Variants in DISP3 observed in about 807,000 individuals in gnomAD.
DISP3 encodes the protein protein dispatched homolog 3.
DISP3 carries 101 observed loss-of-function variants against 135.3 expected under a neutral mutation model. The observed-to-expected ratio is 0.75, with a 90% confidence interval of 0.64 to 0.88. The LOEUF (loss-of-function observed/expected upper bound fraction) is 0.88. Ranked by LOEUF, DISP3 falls within the 40% of genes least tolerant of loss-of-function variation. The pLI is 0.00. For missense variants in DISP3, 1,713 were observed against 1,878.6 expected (o/e 0.91, Z 1.63); for synonymous variants, 856 against 817.0 (o/e 1.05, Z -0.81).
rs1199977211 is a variant in DISP3 at position 11,531,167 on chromosome 1, G to A, written c.3229+134G>A. The A allele has an allele frequency of 2.0e-5, 28 of 1,405,814 alleles. No individual in the cohort carries two copies. The highest frequency in any genetic ancestry group is 2.7e-5 in the Non-Finnish European group (28 of 1,037,174). The allele number at this position is 1,405,814 out of a possible 1,614,324, so 87.1% of individuals were successfully genotyped here. A position where few individuals can be genotyped will look rare whatever the true frequency, so the allele number is the denominator to read the frequency against. On this transcript the variant is annotated intron_variant, in intron 16 of 20. Coordinates refer to ENST00000294484, the MANE Select transcript of DISP3 (RefSeq NM_020780.2). The surrounding 1 kb of genome is among the most constrained non-coding windows in gnomAD (Gnocchi z 5.2). The stretch of plus-strand genomic sequence containing the variant: ...GGGGGTCTTTTGCAGATGTGTATCT[G>A]TGCTGAGCATGTCCACACCAGGGTG...
chr1:11,529,976 G>C lies in DISP3; in HGVS notation c.3102+17G>C. The C allele has an allele frequency of 6.2e-7, 1 of 1,607,360 alleles. No homozygotes were observed. On this transcript the variant is annotated intron_variant, in intron 15 of 20. Coordinates refer to ENST00000294484, the MANE Select transcript of DISP3 (RefSeq NM_020780.2). This position sits in a 1 kb window ranked among gnomAD's most constrained non-coding sequence, Gnocchi z 4.7. ...GGAGACCCGGTACGGGGCATGCGTC[G>C]GGCAGATGCCGAGGGCCCCAGCTGC...
Position 11,517,590 on chromosome 1 carries a change from C to T in DISP3, c.1877C>T (p.Ser626Phe). 6.2e-7 allele frequency: 1 copy of T among 1,613,816 alleles called. No individual in the cohort carries two copies. The highest frequency in any genetic ancestry group is 8.5e-7 in the Non-Finnish European group (1 of 1,180,030). Residue 626 changes from serine (S) to phenylalanine (F), a missense_variant, in exon 7 of 21, where the codon TCC becomes TTC. Around this residue, in one of 2 missense-constraint regions of DISP3, gnomAD observed 1,142 missense variants for 1,384.6 expected, o/e 0.82. Coordinates refer to ENST00000294484, the MANE Select transcript of DISP3 (RefSeq NM_020780.2). ...WSLYLAPLES[S>F]CQTSCHQNCS... Reference sequence around the variant, plus strand: ...CTCTACCTGGCACCACTGGAGAGCTCCTGCCAGACCAGGTAAGTCGGGCAG... The same window carrying T: ...CTCTACCTGGCACCACTGGAGAGCTTCTGCCAGACCAGGTAAGTCGGGCAG...
intron 1 of DISP3, among the ~76,000 whole-genome samples, chr1:11,480,356 CAT>C (rs1344779747): frequency 3.3e-5 from 5 of 152,274 alleles, no homozygotes; most frequent in East Asian, 1.9e-4. Flanking sequence ...TGCGCACACA[CAT>C]ATCTACAGAC....
chr1:11,527,214 C>T (rs1348198576), intron 13 of DISP3, among the ~76,000 whole-genome samples: 5 of 152,072 alleles, frequency 3.3e-5, no homozygotes, highest in East Asian at 1.9e-4. Context: ...GGATTACAGG[C>T]GTGAGCCACT....
At chr1:11,487,822 A>C (rs1278885525) in intron 1 of DISP3, among the ~76,000 whole-genome samples, 1 of 152,152 alleles carries the variant, frequency 6.6e-6, no homozygotes, top group Non-Finnish European at 1.5e-5. Flanking sequence ...GGAACCCAGG[A>C]GGCTGAAAGC....
chr1:11,525,321 G>A lies in DISP3; in HGVS notation c.2613+9G>A. On this transcript the variant is annotated intron_variant, in intron 12 of 20. Transcript: ENST00000294484. ...AGGTGCCCTCCTTCCAGGTGAGCCT[G>A]GGCTGTCGTGAAGTGAGCCGCCACC... 2 of 1,611,140 alleles carry A rather than the reference G, an allele frequency of 1.2e-6. No homozygotes were observed. Among genetic ancestry groups the A allele is most frequent in the Non-Finnish European group, 1.7e-6 (2 of 1,178,040 alleles).
intron 3 of DISP3, among the ~76,000 whole-genome samples, chr1:11,511,490 T>C (rs1472597307): frequency 3.3e-5 from 5 of 152,226 alleles, no homozygotes; most frequent in African/African-American, 1.2e-4. Flanking sequence ...ATCATCTCCA[T>C]TGACTCCAGG....
chr1:11,502,557 G>T, intron 2 of DISP3, 121 bp from the exon 3 acceptor site: 2 of 766,928 alleles, frequency 2.6e-6, no homozygotes, highest in African/African-American at 1.8e-5. Context: ...GTGGAGTTTT[G>T]GTGGATATGG....
Position 11,530,942 on chromosome 1 carries a change from C to T in DISP3, c.3138C>T (p.Phe1046=). ...SVVYDSSFDL[F]KEIGHLCHLC... is the part of the protein sequence containing the mutation. ...TCTACGACAGCAGCTTTGACCTCTT[C>T]AAGGAAATTGGGCACCTGTGTCACC... The change falls in exon 16 of 21, where the codon TTC becomes TTT. Residue 1046 remains phenylalanine, a synonymous_variant. Coordinates refer to ENST00000294484, the MANE Select transcript of DISP3 (RefSeq NM_020780.2). The T allele has an allele frequency of 6.2e-7, 1 of 1,614,020 alleles. No homozygotes were observed. The highest frequency in any genetic ancestry group is 1.1e-5 in the South Asian group (1 of 91,078).
intron 10 of DISP3, among the ~76,000 whole-genome samples, chr1:11,522,794 G>A (rs1183192970): frequency 7.6e-3 from 328 of 43,224 alleles, no homozygotes; most frequent in South Asian, 0.017. Context: ...CCCAGCCAGA[G>A]CCCAGCCAGG....
intron 19 of DISP3, 28 bp downstream of exon 19, chr1:11,535,152 C>T (rs1642673209): frequency 3.2e-6 from 5 of 1,563,268 alleles, no homozygotes; most frequent in African/African-American, 1.3e-5. Flanking sequence ...TGGCAGGCAC[C>T]CTGCTGGTAG....
chr1:11,481,072 T>TAC (rs374687395), intron 1 of DISP3, among the ~76,000 whole-genome samples: 1,725 of 87,780 alleles, frequency 0.02, 27 homozygotes, highest in African/African-American at 0.081. Flanking sequence ...CTCACACACA[T>TAC]ACACACACAC....
At chr1:11,485,221 G>A (rs12030427) in intron 1 of DISP3, among the ~76,000 whole-genome samples, 34,796 of 151,988 alleles carry the variant, frequency 0.23, 4,841 homozygotes, top group Admixed American at 0.37. Context: ...GGGCTGAGAC[G>A]GCATGATCCA....
intron 1 of DISP3, among the ~76,000 whole-genome samples, chr1:11,495,211 G>A (rs1391383239): frequency 6.6e-6 from 1 of 152,138 alleles, no homozygotes; most frequent in Admixed American, 6.5e-5. Flanking sequence ...CCAACATGGT[G>A]AAACCCTATC....
chr1:11,522,584 GACCCAGCCA>G (rs1642236337), intron 10 of DISP3, among the ~76,000 whole-genome samples: 1 of 106,724 alleles, frequency 9.4e-6, no homozygotes, highest in South Asian at 3.1e-4. Context: ...ACCCAGCCAA[GACCCAGCCA>G]GGACCCAGCC....
At position 11,501,949 on chromosome 1, in the gene DISP3, C is replaced by G. The variant is rs768056698; in HGVS notation, c.957C>G (p.His319Gln). The G allele has an allele frequency of 6.2e-7, 1 of 1,613,834 alleles. No individual in the cohort carries two copies. Among genetic ancestry groups the G allele is most frequent in the Non-Finnish European group, 8.5e-7 (1 of 1,179,952 alleles). Residue 319 changes from histidine (H) to glutamine (Q), a missense_variant, in exon 2 of 21, where the codon CAC becomes CAG. This residue lies in a region of DISP3 where 571 missense variants were observed against 494.1 expected (regional missense o/e 1.16). Coordinates refer to ENST00000294484, the MANE Select transcript of DISP3 (RefSeq NM_020780.2). This position sits in a 1 kb window ranked among gnomAD's most constrained non-coding sequence, Gnocchi z 4.9. ...TCCGGGAGTTCTGCTGGAAGCCCCACGAGGTGCTCAAGGATCTGCCGCTGG... is the reference window on the plus strand; with the variant it reads ...TCCGGGAGTTCTGCTGGAAGCCCCAGGAGGTGCTCAAGGATCTGCCGCTGG... ...PGFREFCWKP[H>Q]EVLKDLPLGS...
In DISP3 at chr1:11,501,228, T is replaced by C; in HGVS notation, c.236T>C (p.Phe79Ser). ...CCGTGCTGTGCTGGGCTGGTGCTCT[T>C]CCTGGGCTGCAGCATCCCCATGGCC... Reference protein sequence around the residue: ...TNPCCAGLVLFLGCSIPMALS... With the variant: ...TNPCCAGLVLSLGCSIPMALS... Residue 79 changes from phenylalanine to serine, a missense_variant, in exon 2 of 21, where the codon TTC becomes TCC. Phe to Ser is a radical substitution (Grantham distance 155). This residue lies in a region of DISP3 where 571 missense variants were observed against 494.1 expected (regional missense o/e 1.16). Transcript: ENST00000294484. The surrounding 1 kb of genome is among the most constrained non-coding windows in gnomAD (Gnocchi z 4.9). The C allele has an allele frequency of 1.2e-6, 2 of 1,614,172 alleles. No homozygotes were observed. The highest frequency in any genetic ancestry group is 2.7e-5 in the African/African-American group (2 of 75,056).
chr1:11,515,604 ACACAG>A, intron 5 of DISP3, 101 bp downstream of exon 5: 1 of 1,470,314 alleles, frequency 6.8e-7, no homozygotes, highest in Non-Finnish European at 9.1e-7. Context: ...TGGGGGCTCT[ACACAG>A]CGCCTGCTGA....
chr1:11,501,573 A>G lies in DISP3; in HGVS notation c.581A>G (p.Lys194Arg), dbSNP rs746945195. 1.7e-5 allele frequency: 27 copies of G among 1,588,564 alleles called. No individual in the cohort carries two copies. The African/African-American group carries it at 3.5e-4, about 21-fold the overall frequency. Reference sequence around the variant, plus strand: ...TACCGGGACACTTCCGCGGCTCAAAAGCCCACAGCCAATCGGAGCGGGCGA... The same window carrying G: ...TACCGGGACACTTCCGCGGCTCAAAGGCCCACAGCCAATCGGAGCGGGCGA... Reference protein sequence around the residue: ...GPYRDTSAAQKPTANRSGRLR... With the variant: ...GPYRDTSAAQRPTANRSGRLR... Residue 194 changes from lysine (K) to arginine (R), a missense_variant, in exon 2 of 21, where the codon AAG becomes AGG. Lys to Arg is a conservative substitution (Grantham distance 26, BLOSUM62 2). This residue lies in a region of DISP3 where 571 missense variants were observed against 494.1 expected (regional missense o/e 1.16). Transcript: ENST00000294484. This position sits in a 1 kb window ranked among gnomAD's most constrained non-coding sequence, Gnocchi z 4.9.
Sources: allele counts gnomAD v4.1 joint callset (sites outside exome capture counted in the v4.1 genomes callset), GRCh38; gene constraint gnomAD v4.1.1; regional missense constraint gnomAD v4.1.1; non-coding constraint Gnocchi (gnomAD v3.1); transcripts MANE v1.5; gene names NCBI Gene and HGNC (gene_info 2026-07-23, HGNC 2026-07-21).